RAB11FIP3: variants seen among roughly 807,000 people sequenced by gnomAD.
RAB11FIP3 encodes the protein rab11 family-interacting protein 3.
A neutral mutation model predicts 77.8 loss-of-function variants in RAB11FIP3; 17 were observed. That is an observed-to-expected ratio of 0.22 (90% CI 0.15 to 0.33). The LOEUF is 0.33. Ranked by LOEUF, RAB11FIP3 falls within the 10% of genes least tolerant of loss-of-function variation. The pLI is 1.00. For missense variants in RAB11FIP3, 1,005 were observed against 1,011.2 expected (o/e 0.99, Z 0.08); for synonymous variants, 437 against 448.2 (o/e 0.98, Z 0.31).
At chr16:448,447 C>G (rs1300714396) in intron 1 of RAB11FIP3, among the ~76,000 whole-genome samples, 1 of 150,276 alleles carries the variant, frequency 6.7e-6, no homozygotes, top group East Asian at 2.0e-4. Context: ...ACTAAAAATA[C>G]AAAATTAGGC....
chr16:510,135 T>G (rs111447100), intron 8 of RAB11FIP3, among the ~76,000 whole-genome samples: 27 of 110,214 alleles, frequency 2.4e-4, no homozygotes, highest in African/African-American at 7.1e-4. Flanking sequence ...CTGAGCGCAC[T>G]CGTTGTGTGT....
chr16:426,565 C>T lies in RAB11FIP3; in HGVS notation c.559C>T (p.Leu187Phe), dbSNP rs1456745201. The change falls in exon 1 of 14, where the codon CTC (leucine) becomes TTC (phenylalanine). Residue 187 changes from leucine to phenylalanine, a missense_variant. Leu to Phe is a conservative substitution (Grantham distance 22, BLOSUM62 0). This residue lies in a region of RAB11FIP3 where 466 missense variants were observed against 408.3 expected (regional missense o/e 1.14). Coordinates refer to ENST00000262305, the MANE Select transcript of RAB11FIP3 (RefSeq NM_014700.4). The surrounding 1 kb of genome is among the most constrained non-coding windows in gnomAD (Gnocchi z 5.0). ...GPGSPPQPSD[L>F]SQTHPLPSEP... ...CGGGTCCCCGCCGCAGCCCTCGGAC[C>T]TCAGCCAGACCCACCCCCTTCCGAG... is the stretch of plus-strand genomic sequence containing the variant. The T allele has an allele frequency of 1.3e-6, 2 of 1,591,988 alleles. No homozygotes were observed. The highest frequency in any genetic ancestry group is 1.8e-5 in the Admixed American group (1 of 56,826).
At chr16:474,882 C>T (rs1024010310) in intron 3 of RAB11FIP3, 7 of 1,478,178 alleles carry the variant, frequency 4.7e-6, no homozygotes, top group Middle Eastern at 1.9e-4. Flanking sequence ...GTTAAACTTT[C>T]TCCTAGGTGG....
intron 1 of RAB11FIP3, among the ~76,000 whole-genome samples, chr16:435,298 G>A (rs1021140131): frequency 1.3e-5 from 2 of 151,724 alleles, no homozygotes; most frequent in Admixed American, 1.3e-4. Flanking sequence ...GTGCAGACAA[G>A]GTTGTTAAGG....
chr16:500,943 T>TG (rs1293546463), intron 6 of RAB11FIP3, among the ~76,000 whole-genome samples: 1 of 151,990 alleles, frequency 6.6e-6, no homozygotes, highest in African/African-American at 2.4e-5. Context: ...GGCTCATGTT[T>TG]GGGGGCAAGG....
Position 494,566 on chromosome 16 carries a change from G to A in RAB11FIP3, c.1266-2258G>A, listed in dbSNP as rs535441659. On this transcript the variant is annotated intron_variant, in intron 5 of 13. Coordinates refer to ENST00000262305, the MANE Select transcript of RAB11FIP3 (RefSeq NM_014700.4). ...GAACCCGGGAGGTGGAACTTGCAGTGAGCCGAGATCATGCCACTGCACTCC... is the reference window on the plus strand; with the variant it reads ...GAACCCGGGAGGTGGAACTTGCAGTAAGCCGAGATCATGCCACTGCACTCC... 2.6e-5 allele frequency among the ~76,000 whole-genome samples: 4 copies of A among 152,082 alleles called. No individual in the cohort carries two copies. The South Asian group carries it at 6.2e-4, about 24-fold the overall frequency.
Position 492,562 on chromosome 16 carries a change from C to T in RAB11FIP3, c.1265+3562C>T, listed in dbSNP as rs1411356773. Among the ~76,000 whole-genome samples, 4 of 115,256 alleles carry T rather than the reference C, an allele frequency of 3.5e-5. No homozygotes were observed. In the South Asian group the frequency reaches 9.1e-4, roughly 26 times the overall value. 75.6% of individuals were successfully genotyped at this position (115,256 alleles called of 152,430 possible). On this transcript the variant is annotated intron_variant, in intron 5 of 13. Coordinates refer to ENST00000262305, the MANE Select transcript of RAB11FIP3 (RefSeq NM_014700.4). ...TCCAGAATCTTGGATTCCAAAGATCCGCTAACCTCTGTTTTAGGGGAAATC... is the reference window on the plus strand; with the variant it reads ...TCCAGAATCTTGGATTCCAAAGATCTGCTAACCTCTGTTTTAGGGGAAATC...
chr16:443,698 T>TA (rs1436402147), intron 1 of RAB11FIP3, among the ~76,000 whole-genome samples: 2 of 152,250 alleles, frequency 1.3e-5, no homozygotes, highest in East Asian at 3.9e-4. Flanking sequence ...CCCGAATAGC[T>TA]GGGACTACAG....
Position 520,174 on chromosome 16 carries a change from A to G in RAB11FIP3, c.1913A>G (p.Glu638Gly), listed in dbSNP as rs2032613617. Residue 638 changes from glutamate (E) to glycine (G), a missense_variant, in exon 12 of 14, where the codon GAG becomes GGG. Transcript: ENST00000262305. Reference sequence around the variant, plus strand: ...GAGCACCTGCAGCTCCTCAAGCTGGAGGCCGAGCAGCGGCGGGGCCGCAGC... The same window carrying G: ...GAGCACCTGCAGCTCCTCAAGCTGGGGGCCGAGCAGCGGCGGGGCCGCAGC... ...QLEHLQLLKL[E>G]AEQRRGRSSS... 1.9e-6 allele frequency: 3 copies of G among 1,547,054 alleles called. No individual in the cohort carries two copies. The East Asian group carries it at 7.3e-5, about 38-fold the overall frequency.
intron 1 of RAB11FIP3, among the ~76,000 whole-genome samples, chr16:437,430 T>C (rs969323325): frequency 2.0e-5 from 3 of 150,776 alleles, no homozygotes; most frequent in African/African-American, 4.9e-5. Context: ...ATTAGCCAGG[T>C]GTGGTGGTGC....
intron 1 of RAB11FIP3, among the ~76,000 whole-genome samples, chr16:446,194 T>G (rs2055314327): frequency 1.3e-5 from 2 of 151,994 alleles, no homozygotes; most frequent in African/African-American, 4.8e-5. Context: ...CAGTGAGCCA[T>G]GATCACTCCT....
intron 9 of RAB11FIP3, among the ~76,000 whole-genome samples, chr16:513,696 C>T (rs540634371): frequency 6.6e-6 from 1 of 152,202 alleles, no homozygotes; most frequent in African/African-American, 2.4e-5. Flanking sequence ...CCTTCCAGCT[C>T]TTAAAGCTAA....
chr16:436,634 A>T (rs192065522), intron 1 of RAB11FIP3, among the ~76,000 whole-genome samples: 1 of 152,234 alleles, frequency 6.6e-6, no homozygotes, highest in East Asian at 1.9e-4. Context: ...AATGCCTGCC[A>T]GCACACCCAG....
Position 447,354 on chromosome 16 carries a change from T to A in RAB11FIP3, c.715-14050T>A, listed in dbSNP as rs2055334255. Among the ~76,000 whole-genome samples the A allele has an allele frequency of 5.3e-5, 8 of 152,050 alleles. No individual in the cohort carries two copies. In the South Asian group the frequency reaches 1.7e-3, roughly 32 times the overall value. On this transcript the variant is annotated intron_variant, in intron 1 of 13. Coordinates refer to ENST00000262305, the MANE Select transcript of RAB11FIP3 (RefSeq NM_014700.4). ...GAGAGAGAGATGGCGTCTCGCTCTG[T>A]CACTCAGGCTGGAGTTCAGTGGCAC...
chr16:489,992 G>C (rs1008136211), intron 5 of RAB11FIP3, among the ~76,000 whole-genome samples: 1 of 152,214 alleles, frequency 6.6e-6, no homozygotes, highest in African/African-American at 2.4e-5. Context: ...TCCTCTCCCA[G>C]CGCGTGGTGG....
rs377681074 is a variant in RAB11FIP3, at chr16:459,252, G to A, written c.715-2152G>A. On this transcript the variant is annotated intron_variant, in intron 1 of 13. Coordinates refer to ENST00000262305, the MANE Select transcript of RAB11FIP3 (RefSeq NM_014700.4). ...AGCAATTCTCCCGCCTCAGCCTCCC[G>A]AGTAGCTGGGGTTACAGGTTCCCAC... is the stretch of plus-strand genomic sequence containing the variant. Among the ~76,000 whole-genome samples the A allele has an allele frequency of 2.4e-4, 36 of 150,228 alleles. 1 individual carries two copies. The highest frequency in any genetic ancestry group is 6.6e-4 in the African/African-American group (27 of 40,810).
At chr16:487,945 C>A (rs1375422575) in intron 4 of RAB11FIP3, among the ~76,000 whole-genome samples, 1 of 152,172 alleles carries the variant, frequency 6.6e-6, no homozygotes, top group Non-Finnish European at 1.5e-5. Flanking sequence ...GGTGCTTGAA[C>A]CCAGATGCTG....
chr16:490,090 C>T (rs916135976), intron 5 of RAB11FIP3, among the ~76,000 whole-genome samples: 1 of 152,218 alleles, frequency 6.6e-6, no homozygotes, highest in African/African-American at 2.4e-5. Context: ...TTTAGTTTGT[C>T]CCTGTCTCCT....
intron 4 of RAB11FIP3, among the ~76,000 whole-genome samples, chr16:487,484 G>A (rs562557232): frequency 1.4e-4 from 22 of 152,282 alleles, no homozygotes; most frequent in South Asian, 8.3e-4. Context: ...GCAGTGGTGC[G>A]TGGTGGGCAT....
Sources: gnomAD v4.1 joint callset for allele counts (sites outside exome capture counted in the v4.1 genomes callset) on GRCh38, gnomAD v4.1.1 for gene constraint, gnomAD v4.1.1 regional missense constraint, Gnocchi (gnomAD v3.1) non-coding constraint, MANE v1.5 for transcripts, NCBI Gene and HGNC (gene_info 2026-07-23, HGNC 2026-07-21) for gene names.